ELAVL2: variants seen among roughly 807,000 people sequenced by gnomAD.
ELAVL2 encodes the protein ELAV like RNA binding protein 2.
A neutral mutation model predicts 34.6 loss-of-function variants in ELAVL2; 4 were observed. The observed-to-expected ratio is 0.12, with a 90% CI of 0.06 to 0.26. The LOEUF (loss-of-function observed/expected upper bound fraction) is 0.26, where lower values mean the gene tolerates loss of function less well. ELAVL2 is among the 10% of genes least tolerant of loss of function. The pLI is 1.00. For missense variants in ELAVL2, 432 were observed against 442.8 expected, an observed-to-expected ratio of 0.98 and a Z score of 0.22; for synonymous variants, 193 against 154.8, an observed-to-expected ratio of 1.25 and a Z score of -1.83.
At chr9:23,838,420 G>A in the ELAVL2 span, among the ~76,000 whole-genome samples, 3 of 151,806 alleles carry the variant, frequency 2.0e-5, no homozygotes, top group Non-Finnish European at 4.4e-5. Context: ...TAAAGAGAGA[G>A]GTCAGAATAA....
chr9:23,754,091 T>G (rs1456219454), intron 2 of ELAVL2, among the ~76,000 whole-genome samples: 1 of 152,112 alleles, frequency 6.6e-6, no homozygotes, highest in Non-Finnish European at 1.5e-5. Flanking sequence ...GTAAACACTC[T>G]AAGACAGCTG....
intron 1 of ELAVL2, among the ~76,000 whole-genome samples, chr9:23,818,646 C>G (rs1463604986): frequency 6.6e-6 from 1 of 152,158 alleles, no homozygotes; most frequent in East Asian, 1.9e-4. Context: ...GTAACCAAAC[C>G]AAGCTAAGTA....
intron 3 of ELAVL2, among the ~76,000 whole-genome samples, chr9:23,717,231 C>T (rs2042546437): frequency 6.6e-6 from 1 of 152,168 alleles, no homozygotes; most frequent in African/African-American, 2.4e-5. Context: ...TCTGTGTGTA[C>T]ACTAAATACT....
intron 1 of ELAVL2, among the ~76,000 whole-genome samples, chr9:23,789,680 G>A (rs112509299): frequency 0.014 from 2,092 of 152,204 alleles, 24 homozygotes; most frequent in Non-Finnish European, 0.023. Flanking sequence ...CCCACAATCT[G>A]AATGGCAAGA....
chr9:23,754,241 A>G (rs1309784671), intron 2 of ELAVL2, among the ~76,000 whole-genome samples: 1 of 152,194 alleles, frequency 6.6e-6, no homozygotes, highest in African/African-American at 2.4e-5. Context: ...ATGAATTACT[A>G]GAGAAGAATA....
At chr9:23,804,140 G>C (rs901958088) in intron 1 of ELAVL2, among the ~76,000 whole-genome samples, 20 of 151,786 alleles carry the variant, frequency 1.3e-4, no homozygotes, top group Non-Finnish European at 2.6e-4. Context: ...GATAACCACA[G>C]AACTGTTTAA....
At chr9:23,708,795 C>T (rs1269416421) in intron 3 of ELAVL2, among the ~76,000 whole-genome samples, 1 of 152,074 alleles carries the variant, frequency 6.6e-6, no homozygotes, top group African/African-American at 2.4e-5. Context: ...GCATGTACCA[C>T]CACACTGGCT....
intron 3 of ELAVL2, among the ~76,000 whole-genome samples, chr9:23,723,271 G>A (rs1357521278): frequency 1.3e-5 from 2 of 152,032 alleles, no homozygotes; most frequent in African/African-American, 4.8e-5. Flanking sequence ...GTCCTTTGTA[G>A]GGACATGGAT....
At chr9:23,745,714 C>T (rs541847072) in intron 2 of ELAVL2, among the ~76,000 whole-genome samples, 2 of 152,192 alleles carry the variant, frequency 1.3e-5, no homozygotes, top group South Asian at 2.1e-4. Flanking sequence ...AAACCAAAAG[C>T]GTTAACTGAA....
chr9:23,709,659 A>T (rs2040400669), intron 3 of ELAVL2, among the ~76,000 whole-genome samples: 1 of 152,194 alleles, frequency 6.6e-6, no homozygotes, highest in Admixed American at 6.5e-5. Flanking sequence ...TGTCCTACTG[A>T]GGTCAAAATA....
At chr9:23,744,807 A>T (rs931645836) in intron 2 of ELAVL2, among the ~76,000 whole-genome samples, 15 of 152,128 alleles carry the variant, frequency 9.9e-5, no homozygotes, top group Admixed American at 9.2e-4. Flanking sequence ...TAGAACTTTT[A>T]CCTCATTATT....
intron 1 of ELAVL2, among the ~76,000 whole-genome samples, chr9:23,799,280 G>A (rs2061318473): frequency 6.6e-6 from 1 of 152,056 alleles, no homozygotes; most frequent in South Asian, 2.1e-4. Flanking sequence ...CCTTCCCCTG[G>A]TTCTAACATC....
chr9:23,765,048 C>T lies in ELAVL2; in HGVS notation c.-15-2799G>A, dbSNP rs3793582. 2.9e-3 allele frequency: 4,699 copies of T among 1,609,542 alleles called. 108 individuals are homozygous for T. In the East Asian group the frequency reaches 0.055, roughly 19 times the overall value. On this transcript the variant is annotated intron_variant, in intron 1 of 6. Transcript: ENST00000397312. ...CTGCTGCCCACGAACCACTTCTAAG[C>T]AGAGAAGCCACATCACACAGTCTGA...
At position 23,719,380 on chromosome 9, in the gene ELAVL2, T is replaced by C. The variant is rs1053153977; in HGVS notation, c.333+11642A>G. 3.3e-5 allele frequency among the ~76,000 whole-genome samples: 5 copies of C among 152,230 alleles called. No individual in the cohort carries two copies. The South Asian group carries it at 1.0e-3, about 32-fold the overall frequency. On this transcript the variant is annotated intron_variant, in intron 3 of 6. Coordinates refer to ENST00000397312, the MANE Select transcript of ELAVL2 (RefSeq NM_004432.5). Reference sequence around the variant, plus strand: ...GAGAGGGGTGTTTTTACCCCTCACCTTCACAGTTCATCTGACTTTGTGCAC... The same window carrying C: ...GAGAGGGGTGTTTTTACCCCTCACCCTCACAGTTCATCTGACTTTGTGCAC...
intron 2 of ELAVL2, among the ~76,000 whole-genome samples, chr9:23,751,445 G>T (rs2135575715): frequency 6.6e-6 from 1 of 152,184 alleles, no homozygotes; most frequent in South Asian, 2.1e-4. Context: ...TGTTTTCAAT[G>T]AATATTTCAA....
intron 2 of ELAVL2, among the ~76,000 whole-genome samples, chr9:23,748,444 A>C (rs1294864695): frequency 6.6e-6 from 1 of 152,138 alleles, no homozygotes; most frequent in African/African-American, 2.4e-5. Flanking sequence ...GTATGAAGGC[A>C]GAGAAGACTT....
chr9:23,728,912 A>C (rs1402882845), intron 3 of ELAVL2, among the ~76,000 whole-genome samples: 1 of 152,148 alleles, frequency 6.6e-6, no homozygotes. Flanking sequence ...GGAAAGAAGT[A>C]GCCTGCTATT....
intron 2 of ELAVL2, among the ~76,000 whole-genome samples, chr9:23,744,786 A>T (rs750429719): frequency 6.6e-6 from 1 of 152,144 alleles, no homozygotes; most frequent in Non-Finnish European, 1.5e-5. Context: ...TAAATCTAAT[A>T]GTAAAGGAAT....
intron 2 of ELAVL2, among the ~76,000 whole-genome samples, chr9:23,761,337 T>C (rs1181169977): frequency 6.6e-6 from 1 of 152,066 alleles, no homozygotes; most frequent in East Asian, 1.9e-4. Context: ...CCCAAGAACG[T>C]GCTCTTTAAA....
Sources: allele counts gnomAD v4.1 joint callset (sites outside exome capture counted in the v4.1 genomes callset), GRCh38; gene constraint gnomAD v4.1.1; transcripts MANE v1.5; gene names NCBI Gene and HGNC (gene_info 2026-07-23, HGNC 2026-07-21).